SDK1: variants seen among roughly 807,000 people sequenced by gnomAD.
SDK1 encodes the protein protein sidekick-1.
In SDK1, 157 loss-of-function variants were observed where a neutral mutation model predicts 245.5. The observed-to-expected ratio is 0.64, with a 90% CI of 0.56 to 0.73. The LOEUF (loss-of-function observed/expected upper bound fraction) is 0.73. Ranked by LOEUF, SDK1 falls within the 30% of genes least tolerant of loss-of-function variation. The pLI, the probability that SDK1 is intolerant of heterozygous loss-of-function variation, is 0.00. For missense variants in SDK1, 3,583 were observed against 3,002.3 expected (o/e 1.19, Z -4.52); for synonymous variants, 1,647 against 1,278.5 (o/e 1.29, Z -6.15).
chr7:3,709,850 C>T (rs754738489), intron 4 of SDK1, among the ~76,000 whole-genome samples: 2 of 152,202 alleles, frequency 1.3e-5, no homozygotes, highest in African/African-American at 2.4e-5. Flanking sequence ...CTCTCTCCTC[C>T]TGCTGTTTGT....
intron 4 of SDK1, among the ~76,000 whole-genome samples, chr7:3,715,756 C>G (rs1354587300): frequency 6.6e-6 from 1 of 152,012 alleles, no homozygotes; most frequent in Non-Finnish European, 1.5e-5. Flanking sequence ...AATTACTGAA[C>G]ATACAAAGAA....
chr7:3,551,872 C>T (rs1263329408), intron 1 of SDK1, among the ~76,000 whole-genome samples: 2 of 151,950 alleles, frequency 1.3e-5, no homozygotes, highest in Non-Finnish European at 2.9e-5. Context: ...TTTTAAGGAA[C>T]AATTTTCTTT....
At chr7:4,127,569 C>G (rs1784472817) in intron 26 of SDK1, 73 bp downstream of exon 26, 4 of 1,080,960 alleles carry the variant, frequency 3.7e-6, no homozygotes, top group Non-Finnish European at 5.7e-6. Flanking sequence ...GCTATTCCCC[C>G]AAAGCAACGA....
At chr7:3,751,376 C>G (rs963208158) in intron 4 of SDK1, among the ~76,000 whole-genome samples, 2 of 151,010 alleles carry the variant, frequency 1.3e-5, no homozygotes, top group African/African-American at 4.9e-5. Context: ...CTGCGTCGCC[C>G]TCTCCAAGAT....
At chr7:4,088,754 C>A (rs933456377) in intron 22 of SDK1, among the ~76,000 whole-genome samples, 3 of 152,136 alleles carry the variant, frequency 2.0e-5, no homozygotes, top group Admixed American at 2.0e-4. Context: ...ATTGTTGTAT[C>A]CATGTTCATA....
chr7:3,533,734 C>G (rs73303068), intron 1 of SDK1, among the ~76,000 whole-genome samples: 2,630 of 152,124 alleles, frequency 0.017, 84 homozygotes, highest in African/African-American at 0.06. Flanking sequence ...GATTGATCTT[C>G]CTGTTTTCAT....
chr7:3,411,789 C>G (rs1193719438), intron 1 of SDK1, among the ~76,000 whole-genome samples: 1 of 152,112 alleles, frequency 6.6e-6, no homozygotes, highest in African/African-American at 2.4e-5. Flanking sequence ...GAGCAATAGA[C>G]TATAAATTCT....
intron 1 of SDK1, among the ~76,000 whole-genome samples, chr7:3,442,403 T>C (rs1173092635): frequency 6.6e-6 from 1 of 152,196 alleles, no homozygotes; most frequent in Middle Eastern, 3.2e-3. Flanking sequence ...ACAAATGGAA[T>C]GGTAACTGGG....
chr7:3,631,790 A>C (rs1286424159), intron 2 of SDK1, among the ~76,000 whole-genome samples: 1 of 152,226 alleles, frequency 6.6e-6, no homozygotes, highest in Admixed American at 6.5e-5. Flanking sequence ...ATCATTGTGG[A>C]AGCTAAGTGA....
chr7:3,808,635 C>T (rs979128473), intron 4 of SDK1, among the ~76,000 whole-genome samples: 30 of 152,148 alleles, frequency 2.0e-4, no homozygotes, highest in African/African-American at 6.5e-4. Flanking sequence ...TTAAAGAGCT[C>T]CCAGCCTTGT....
At chr7:4,067,580 G>A (rs1248955366) in intron 19 of SDK1, among the ~76,000 whole-genome samples, 8 of 152,196 alleles carry the variant, frequency 5.3e-5, no homozygotes, top group African/African-American at 1.9e-4. Context: ...ACAGAGAATG[G>A]TTTGTGTATA....
intron 4 of SDK1, among the ~76,000 whole-genome samples, chr7:3,690,175 G>C (rs574602649): frequency 7.2e-5 from 11 of 152,262 alleles, no homozygotes; most frequent in African/African-American, 2.6e-4. Context: ...AGTGACTCTA[G>C]ATGCAGGGCG....
In SDK1 at chr7:3,761,565, A is replaced by AAAAT. The variant is rs1554259191; in HGVS notation, c.714-59883_714-59882insATAA. The stretch of plus-strand genomic sequence containing the variant: ...TGAGACTCCATCTCAAAAAAAAAAA[A>AAAAT]AATAATAATAATAGGCCTAATCATT... On this transcript the variant is annotated intron_variant, in intron 4 of 44. Coordinates refer to ENST00000404826, the MANE Select transcript of SDK1 (RefSeq NM_152744.4). 5.3e-5 allele frequency among the ~76,000 whole-genome samples: 8 copies of AAAAT among 151,062 alleles called. 1 individual carries two copies. Among genetic ancestry groups the AAAAT allele is most frequent in the Admixed American group, 4.0e-4 (6 of 15,072 alleles).
intron 1 of SDK1, among the ~76,000 whole-genome samples, chr7:3,551,832 C>T (rs1779424915): frequency 6.6e-6 from 1 of 152,054 alleles, no homozygotes; most frequent in Admixed American, 6.5e-5. Flanking sequence ...TGAGCCACTG[C>T]ACCTGGCCTA....
intron 42 of SDK1, among the ~76,000 whole-genome samples, chr7:4,238,136 C>G (rs1468484819): frequency 6.6e-6 from 1 of 151,758 alleles, no homozygotes; most frequent in Non-Finnish European, 1.5e-5. Flanking sequence ...TTGGAGTGCA[C>G]TGGCACAATC....
chr7:3,668,571 C>T (rs891315042), intron 4 of SDK1, among the ~76,000 whole-genome samples: 43 of 152,150 alleles, frequency 2.8e-4, no homozygotes, highest in Admixed American at 2.2e-3. Context: ...GTCAAGAGTT[C>T]GAGACCAGCC....
intron 1 of SDK1, among the ~76,000 whole-genome samples, chr7:3,531,046 CT>C (rs1783327893): frequency 6.6e-6 from 1 of 152,184 alleles, no homozygotes; most frequent in Non-Finnish European, 1.5e-5. Flanking sequence ...TATAACTCTG[CT>C]TCATATACCA....
chr7:4,247,618 C>T (rs1453102409), intron 44 of SDK1, among the ~76,000 whole-genome samples: 3 of 152,234 alleles, frequency 2.0e-5, no homozygotes, highest in Admixed American at 6.5e-5. Flanking sequence ...GCTGCCGGGC[C>T]GCTGCTCTTT....
At chr7:3,905,760 C>A (rs773011098) in intron 5 of SDK1, among the ~76,000 whole-genome samples, 1 of 151,776 alleles carries the variant, frequency 6.6e-6, no homozygotes, top group Non-Finnish European at 1.5e-5. Context: ...GTAGCAAGGA[C>A]CACAAACACA....
Sources: gnomAD v4.1 joint callset for allele counts (sites outside exome capture counted in the v4.1 genomes callset) on GRCh38, gnomAD v4.1.1 for gene constraint, MANE v1.5 for transcripts, NCBI Gene and HGNC (gene_info 2026-07-23, HGNC 2026-07-21) for gene names.